Variants in FLII observed in about 807,000 individuals in gnomAD.
The protein encoded by FLII is FLII actin remodeling protein.
Under a neutral mutation model 156.2 loss-of-function variants are expected in FLII, and 101 were observed. The observed-to-expected ratio is 0.65, with a 90% CI of 0.55 to 0.76. The LOEUF (loss-of-function observed/expected upper bound fraction) is 0.76, where lower values mean the gene tolerates loss of function less well. FLII is among the 30% of genes least tolerant of loss of function. The pLI is 0.00. For missense variants in FLII, 1,675 were observed against 1,682.8 expected (o/e 1.00, Z 0.08); for synonymous variants, 767 against 685.8 (o/e 1.12, Z -1.85).
rs2048088557 is a variant in FLII, at chr17:18,247,045, T to A, written c.2684A>T (p.Gln895Leu). ...QPPMSLAEAEQLMEEWNEDLD... is the reference protein window; with the variant it reads ...QPPMSLAEAELLMEEWNEDLD... Reference sequence around the variant, plus strand: ...GTCTTCGTTCCACTCCTCCATCAGCTGCTCCGCCTGCAGGTGAGAGGGACC... The same window carrying A: ...GTCTTCGTTCCACTCCTCCATCAGCAGCTCCGCCTGCAGGTGAGAGGGACC... Residue 895 changes from glutamine (Q) to leucine (L), a missense_variant, in exon 22 of 30, where the codon CAG (glutamine) becomes CTG (leucine). Coordinates refer to ENST00000327031, the MANE Select transcript of FLII (RefSeq NM_002018.4). 5 of 1,612,766 alleles carry A rather than the reference T, an allele frequency of 3.1e-6. No homozygotes were observed. Among genetic ancestry groups the A allele is most frequent in the Non-Finnish European group, 4.2e-6 (5 of 1,179,950 alleles).
chr17:18,254,991 G>C (rs2048374263), intron 4 of FLII, 137 bp from the exon 5 acceptor site: 2 of 977,982 alleles, frequency 2.0e-6, no homozygotes, highest in South Asian at 1.3e-5. Context: ...GAGACAGCCA[G>C]GGACTTGGGA....
At chr17:18,255,947 C>A (rs2048403246) in intron 3 of FLII, among the ~76,000 whole-genome samples, 1 of 152,264 alleles carries the variant, frequency 6.6e-6, no homozygotes, top group African/African-American at 2.4e-5. Context: ...CTCAGAGAGT[C>A]CAAGTCAGAA....
Position 18,249,048 on chromosome 17 carries a change from T to G in FLII, c.1934+79A>C, listed in dbSNP as rs1007443761. 39 of 1,426,068 alleles carry G rather than the reference T, an allele frequency of 2.7e-5. 1 individual carries two copies. The Admixed American group carries it at 4.3e-4, about 16-fold the overall frequency. The allele number at this position is 1,426,068 out of a possible 1,614,324, so 88.3% of individuals were successfully genotyped here. A position where few individuals can be genotyped will look rare whatever the true frequency, so the allele number is the denominator to read the frequency against. On this transcript the variant is annotated intron_variant, in intron 16 of 29. Transcript: ENST00000327031. ...GGAATTGCTAGAGGGCCTCCTCTTC[T>G]AAGAGGCCCACACCTGCCCCCACTG...
chr17:18,247,122 T>TGG, intron 21 of FLII, 47 bp downstream of exon 21: 21 of 1,011,304 alleles, frequency 2.1e-5, no homozygotes, highest in African/African-American at 9.3e-5. Flanking sequence ...GCCCTCGGCC[T>TGG]GCCCCCCACC....
At chr17:18,247,121 C>CGGGGGGGGGGGGGGGG in intron 21 of FLII, 48 bp downstream of exon 21, 19 of 1,398,046 alleles carry the variant, frequency 1.4e-5, no homozygotes, top group Non-Finnish European at 1.7e-5. Flanking sequence ...CGCCCTCGGC[C>CGGGGGGGGGGGGGGGG]TGCCCCCCAC....
chr17:18,256,874 C>G, intron 2 of FLII, 35 bp downstream of exon 2: 1 of 1,447,096 alleles, frequency 6.9e-7, no homozygotes, highest in Non-Finnish European at 9.5e-7. Flanking sequence ...GGCTCATCCA[C>G]AGGGACCCTC....
rs762877217 is a variant in FLII, at chr17:18,247,041, C to T, written c.2688G>A (p.Leu896=). ...PPMSLAEAEQ[L]MEEWNEDLDG... is the part of the protein sequence containing the mutation. ...CTAGGTCTTCGTTCCACTCCTCCAT[C>T]AGCTGCTCCGCCTGCAGGTGAGAGG... The change falls in exon 22 of 30, where the codon CTG becomes CTA. Residue 896 remains leucine, a synonymous_variant. Coordinates refer to ENST00000327031, the MANE Select transcript of FLII (RefSeq NM_002018.4). 64 of 1,613,212 alleles carry T rather than the reference C, an allele frequency of 4.0e-5. No homozygotes were observed. Among genetic ancestry groups the T allele is most frequent in the Non-Finnish European group, 5.3e-5 (62 of 1,180,024 alleles).
chr17:18,254,944 G>T, intron 4 of FLII, 90 bp from the exon 5 acceptor site: 1 of 1,329,406 alleles, frequency 7.5e-7, no homozygotes, highest in Non-Finnish European at 1.1e-6. Context: ...CACTGAGTTG[G>T]GTGTGGGGGT....
chr17:18,251,113 G>C (rs1567712448), intron 13 of FLII, 96 bp from the exon 14 acceptor site: 1 of 1,458,608 alleles, frequency 6.9e-7, no homozygotes, highest in Non-Finnish European at 9.2e-7. Flanking sequence ...CCAGCCCCAG[G>C]GGCTTTGTAC....
In FLII at chr17:18,247,661, G is replaced by A. The variant is rs2048124602; in HGVS notation, c.2483C>T (p.Ala828Val). ...TVSRSLEGTEAQVFKAKFKNW... is the reference protein window; with the variant it reads ...TVSRSLEGTEVQVFKAKFKNW... ...CCTCCGAAGCTGCAAGCGCACCTGC[G>A]CCTCGGTGCCCTCGAGGCTGCGGCT... is the stretch of plus-strand genomic sequence containing the variant. The change falls in exon 20 of 30, where the codon GCG becomes GTG. Residue 828 changes from alanine (A) to valine (V), a missense_variant. Ala to Val is a moderately conservative substitution (Grantham distance 64). Coordinates refer to ENST00000327031, the MANE Select transcript of FLII (RefSeq NM_002018.4). 1 of 1,585,684 alleles carries A rather than the reference G, an allele frequency of 6.3e-7. No individual in the cohort carries two copies. The highest frequency in any genetic ancestry group is 1.3e-5 in the African/African-American group (1 of 74,418).
Position 18,250,827 on chromosome 17 carries a change from C to A in FLII, c.1776+11G>T. 1.2e-6 allele frequency: 2 copies of A among 1,601,180 alleles called. No individual in the cohort carries two copies. The highest frequency in any genetic ancestry group is 8.5e-7 in the Non-Finnish European group (1 of 1,170,694). On this transcript the variant is annotated intron_variant, in intron 14 of 29. Transcript: ENST00000327031. Reference sequence around the variant, plus strand: ...CCACTCTGCCCACCCCCAATTTTAACGGGCTGGCACCTGCAGGAACTCCTC... The same window carrying A: ...CCACTCTGCCCACCCCCAATTTTAAAGGGCTGGCACCTGCAGGAACTCCTC...
In FLII at chr17:18,247,770, A is replaced by C; in HGVS notation, c.2374T>G (p.Ser792Ala). The C allele has an allele frequency of 6.2e-7, 1 of 1,609,476 alleles. No individual in the cohort carries two copies. Among genetic ancestry groups the C allele is most frequent in the Non-Finnish European group, 8.5e-7 (1 of 1,179,930 alleles). Residue 792 changes from serine (S) to alanine (A), a missense_variant, in exon 20 of 30, where the codon TCC (serine) becomes GCC (alanine). Coordinates refer to ENST00000327031, the MANE Select transcript of FLII (RefSeq NM_002018.4). ...SDVFIWLGRKSPRLVRAAALK... is the reference protein window; with the variant it reads ...SDVFIWLGRKAPRLVRAAALK... ...GCGGCAGCGCGCACCAGGCGCGGGG[A>C]CTTGCGGCCGAGCCAGATGAACACG...
In FLII at chr17:18,247,067, G is replaced by A; in HGVS notation, c.2677-15C>T. On this transcript the variant is annotated splice_polypyrimidine_tract_variant and intron_variant, in intron 21 of 29. Coordinates refer to ENST00000327031, the MANE Select transcript of FLII (RefSeq NM_002018.4). ...AGCTGCTCCGCCTGCAGGTGAGAGGGACCCGCCCCGCGGCAGGTCTGAGCG... is the reference window on the plus strand; with the variant it reads ...AGCTGCTCCGCCTGCAGGTGAGAGGAACCCGCCCCGCGGCAGGTCTGAGCG... 1 of 1,610,768 alleles carries A rather than the reference G, an allele frequency of 6.2e-7. No individual in the cohort carries two copies. The highest frequency in any genetic ancestry group is 1.1e-5 in the South Asian group (1 of 91,064).
In FLII at chr17:18,245,051, G is replaced by A. The variant is rs2047978177; in HGVS notation, c.*87C>T. ...GCACTGGACGTGGCTGGAGCAGGTGGTGTCACCTGAGTACATTCTTTGCTA... is the reference window on the plus strand; with the variant it reads ...GCACTGGACGTGGCTGGAGCAGGTGATGTCACCTGAGTACATTCTTTGCTA... On this transcript the variant is annotated 3_prime_UTR_variant, in exon 30 of 30. Coordinates refer to ENST00000327031, the MANE Select transcript of FLII (RefSeq NM_002018.4). 2 of 1,424,740 alleles carry A rather than the reference G, an allele frequency of 1.4e-6. No individual in the cohort carries two copies. The highest frequency in any genetic ancestry group is 4.6e-5 in the East Asian group (2 of 43,606). 88.3% of individuals were successfully genotyped at this position (1,424,740 alleles called of 1,614,324 possible).
intron 14 of FLII, among the ~76,000 whole-genome samples, 185 bp downstream of exon 14, chr17:18,250,653 T>TG (rs1398118969): frequency 1.1e-4 from 16 of 152,296 alleles, no homozygotes. Flanking sequence ...ACCCAGGCTT[T>TG]GGCCACCTTA....
chr17:18,249,338 T>C lies in FLII; in HGVS notation c.1847A>G (p.His616Arg). ...CACACACCCTCACCTGGTGACATAG[T>C]GTGTGTCTTCCACAGTGTAGAAGCC... is the stretch of plus-strand genomic sequence containing the variant. ...ASGFYTVEDTHYVTRMYRVYG... is the reference protein window; with the variant it reads ...ASGFYTVEDTRYVTRMYRVYG... The change falls in exon 15 of 30, where the codon CAC (histidine) becomes CGC (arginine). Residue 616 changes from histidine (H) to arginine (R), a missense_variant. Physicochemically the swap from His to Arg is conservative, Grantham distance 29 (BLOSUM62 0). Around this residue, in one of 2 missense-constraint regions of FLII, gnomAD observed 1,332 missense variants for 1,269.3 expected, o/e 1.05. Transcript: ENST00000327031. 1 of 1,614,074 alleles carries C rather than the reference T, an allele frequency of 6.2e-7. No homozygotes were observed.
At position 18,245,424 on chromosome 17, in the gene FLII, G is replaced by A. The variant is rs143462111; in HGVS notation, c.3610-5C>T. The A allele has an allele frequency of 6.2e-7, 1 of 1,614,064 alleles. No homozygotes were observed. The highest frequency in any genetic ancestry group is 8.5e-7 in the Non-Finnish European group (1 of 1,179,922). ...GGTCCCCACCCACATGTAGACCTGT[G>A]GGGGCAGCAGGGGAGATACGGTTGC... is the stretch of plus-strand genomic sequence containing the variant. On this transcript the variant is annotated splice_region_variant and splice_polypyrimidine_tract_variant and intron_variant, in intron 28 of 29. Transcript: ENST00000327031.
chr17:18,246,866 C>T (rs1431539497), intron 22 of FLII, 38 bp from the exon 23 acceptor site: 1 of 1,614,060 alleles, frequency 6.2e-7, no homozygotes, highest in South Asian at 1.1e-5. Flanking sequence ...GGCTCGAGCC[C>T]CCAGCACCAG....
rs752273631 is a variant in FLII at position 18,256,989 on chromosome 17, T to C, written c.94A>G (p.Met32Val). The C allele has an allele frequency of 1.6e-5, 25 of 1,611,218 alleles. No individual in the cohort carries two copies. The South Asian group carries it at 2.5e-4, about 16-fold the overall frequency. The change falls in exon 2 of 30, where the codon ATG (methionine) becomes GTG (valine). Residue 32 changes from methionine to valine, a missense_variant. Met to Val is a conservative substitution (Grantham distance 21). Transcript: ENST00000327031. ...GGYFPENVKAMTSLRWLKLNR... is the reference protein window; with the variant it reads ...GGYFPENVKAVTSLRWLKLNR... ...AGCTTCAGCCACCGCAGGCTGGTCA[T>C]GGCCTTGACATTCTCAGGGAAGTAG...
Sources: allele counts gnomAD v4.1 joint callset (sites outside exome capture counted in the v4.1 genomes callset), GRCh38; gene constraint gnomAD v4.1.1; regional missense constraint gnomAD v4.1.1; transcripts MANE v1.5; gene names NCBI Gene and HGNC (gene_info 2026-07-23, HGNC 2026-07-21).